The following UBE2H variants were observed in gnomAD, a reference collection of about 807,000 sequenced individuals.
UBE2H encodes ubiquitin-conjugating enzyme E2 H.
Under a neutral mutation model 29.0 loss-of-function variants are expected in UBE2H, and 3 were observed. The observed-to-expected ratio is 0.10, with a 90% CI of 0.05 to 0.27. The LOEUF (loss-of-function observed/expected upper bound fraction) is 0.27, where lower values mean the gene tolerates loss of function less well. UBE2H is among the 10% of genes least tolerant of loss of function. The pLI, the probability that UBE2H is intolerant of heterozygous loss-of-function variation, is 1.00. For missense variants in UBE2H, 68 were observed against 228.2 expected, an observed-to-expected ratio of 0.30 and a Z score of 4.52; for synonymous variants, 69 against 82.9, an observed-to-expected ratio of 0.83 and a Z score of 0.91.
chr7:129,903,150 A>G (rs1806750809), intron 1 of UBE2H, among the ~76,000 whole-genome samples: 1 of 152,228 alleles, frequency 6.6e-6, no homozygotes, highest in Admixed American at 6.5e-5. Flanking sequence ...CAGAGAATCT[A>G]AACACTAGTT....
In UBE2H at chr7:129,887,808, G is replaced by A. The variant is rs976256932; in HGVS notation, c.54-6837C>T. ...CAGCTACTCGGGAGGCGGAGATTAC[G>A]GTGAGCCAAAGTTACGGTGAGCTGA... On this transcript the variant is annotated intron_variant, in intron 1 of 6. Transcript: ENST00000355621. Among the ~76,000 whole-genome samples, 9 of 152,100 alleles carry A rather than the reference G, an allele frequency of 5.9e-5. No individual in the cohort carries two copies. The East Asian group carries it at 7.7e-4, about 13-fold the overall frequency.
intron 1 of UBE2H, 114 bp from the exon 2 acceptor site, chr7:129,881,085 T>C: frequency 1.4e-6 from 1 of 737,170 alleles, no homozygotes; most frequent in Non-Finnish European, 2.2e-6. Flanking sequence ...ATGACATTGA[T>C]AAAATATACA....
At chr7:129,872,918 T>C (rs1001315263) in intron 3 of UBE2H, among the ~76,000 whole-genome samples, 1 of 147,948 alleles carries the variant, frequency 6.8e-6, no homozygotes, top group Non-Finnish European at 1.5e-5. Context: ...GACTGGGAGA[T>C]TTAAGAGGAA....
chr7:129,885,253 C>T (rs1047335280), intron 1 of UBE2H, among the ~76,000 whole-genome samples: 2 of 152,034 alleles, frequency 1.3e-5, no homozygotes, highest in South Asian at 2.1e-4. Flanking sequence ...AATGAAAGAA[C>T]GGAGTAGTGC....
intron 1 of UBE2H, among the ~76,000 whole-genome samples, chr7:129,939,008 A>G (rs1354833083): frequency 6.6e-6 from 1 of 152,082 alleles, no homozygotes. Flanking sequence ...CATGTTGGCC[A>G]GGCTGGTCTC....
chr7:129,845,033 G>C (rs1805488941), intron 5 of UBE2H, among the ~76,000 whole-genome samples: 1 of 152,186 alleles, frequency 6.6e-6, no homozygotes, highest in Admixed American at 6.5e-5. Flanking sequence ...GGGAGGCTGA[G>C]GCAGGAGAAT....
intron 4 of UBE2H, among the ~76,000 whole-genome samples, chr7:129,858,123 A>C (rs1410675193): frequency 6.6e-6 from 1 of 152,246 alleles, no homozygotes; most frequent in Non-Finnish European, 1.5e-5. Flanking sequence ...AAAGTGCTAA[A>C]AAGTAAGTTA....
chr7:129,926,237 C>T (rs1395632066), intron 1 of UBE2H, among the ~76,000 whole-genome samples: 2 of 151,372 alleles, frequency 1.3e-5, no homozygotes, highest in Non-Finnish European at 1.5e-5. Flanking sequence ...CGGCCCGGCA[C>T]AGTGGCTCAT....
chr7:129,902,461 T>C (rs531012737), intron 1 of UBE2H, among the ~76,000 whole-genome samples: 6 of 152,232 alleles, frequency 3.9e-5, no homozygotes, highest in African/African-American at 9.6e-5. Context: ...AGATGCACCA[T>C]TGCACTCCAG....
chr7:129,861,663 G>A (rs1223784638), intron 3 of UBE2H, among the ~76,000 whole-genome samples: 1 of 152,160 alleles, frequency 6.6e-6, no homozygotes, highest in Admixed American at 6.5e-5. Flanking sequence ...ATGCTAAGAC[G>A]GACGGATTAC....
intron 1 of UBE2H, among the ~76,000 whole-genome samples, chr7:129,912,380 T>G (rs1806954666): frequency 6.6e-6 from 1 of 152,092 alleles, no homozygotes; most frequent in Non-Finnish European, 1.5e-5. Flanking sequence ...TGAAATTCAT[T>G]TACATTTCTT....
At chr7:129,839,402 G>A in intron 5 of UBE2H, 67 bp from the exon 6 acceptor site, 1 of 1,601,578 alleles carries the variant, frequency 6.2e-7, no homozygotes, top group Non-Finnish European at 8.5e-7. Context: ...CTTGCATTCA[G>A]TAGTCAAGCT....
At chr7:129,857,233 G>A in intron 5 of UBE2H, 1 of 391,082 alleles carries the variant, frequency 2.6e-6, no homozygotes. Context: ...GTTTGCACAT[G>A]TATTCATGTG....
chr7:129,909,306 C>T (rs967600752), intron 1 of UBE2H, among the ~76,000 whole-genome samples: 5 of 152,154 alleles, frequency 3.3e-5, no homozygotes, highest in African/African-American at 1.2e-4. Context: ...CCCACTGATA[C>T]CTAGAGAGGG....
At chr7:129,854,060 G>GTT (rs56362841) in intron 5 of UBE2H, among the ~76,000 whole-genome samples, 158 of 100,232 alleles carry the variant, frequency 1.6e-3, no homozygotes, top group African/African-American at 3.4e-3. Flanking sequence ...TTTAGTGTTA[G>GTT]TTTTTTTTTT....
intron 1 of UBE2H, among the ~76,000 whole-genome samples, chr7:129,933,706 A>G (rs549483474): frequency 6.6e-6 from 1 of 152,362 alleles, no homozygotes; most frequent in South Asian, 2.1e-4. Flanking sequence ...AGATTTCCAT[A>G]TCGTTTCAAT....
chr7:129,847,663 AAAAG>A (rs1389911012), intron 5 of UBE2H, among the ~76,000 whole-genome samples: 4 of 152,258 alleles, frequency 2.6e-5, no homozygotes, highest in African/African-American at 7.2e-5. Context: ...CTTTAAATAA[AAAAG>A]AAAGAAAGAA....
At chr7:129,903,563 G>C (rs1302326570) in intron 1 of UBE2H, among the ~76,000 whole-genome samples, 1 of 152,152 alleles carries the variant, frequency 6.6e-6, no homozygotes, top group African/African-American at 2.4e-5. Flanking sequence ...AGGAGTTTGA[G>C]ACCAGCCTGG....
At chr7:129,850,839 A>AAG (rs1234667662) in intron 5 of UBE2H, among the ~76,000 whole-genome samples, 1 of 142,432 alleles carries the variant, frequency 7.0e-6, no homozygotes, top group African/African-American at 2.6e-5. Context: ...GAGAGAGAGA[A>AAG]AGAGAGAGAG....
Sources: allele counts gnomAD v4.1 joint callset (sites outside exome capture counted in the v4.1 genomes callset), GRCh38; gene constraint gnomAD v4.1.1; transcripts MANE v1.5; gene names NCBI Gene and HGNC (gene_info 2026-07-23, HGNC 2026-07-21).